Variants in TRIT1 observed in about 807,000 individuals in gnomAD.
TRIT1 encodes the protein tRNA dimethylallyltransferase.
In TRIT1, 43 loss-of-function variants were observed where a neutral mutation model predicts 51.2. The ratio of observed to expected loss-of-function variants is 0.84; its 90% CI spans 0.66 to 1.08. The LOEUF is 1.08. Ranked by LOEUF, TRIT1 falls within the 50% of genes least tolerant of loss-of-function variation. The pLI is 0.00. For missense variants in TRIT1, 528 were observed against 578.4 expected, an observed-to-expected ratio of 0.91 and a Z score of 0.89; for synonymous variants, 184 against 203.9, an observed-to-expected ratio of 0.90 and a Z score of 0.83.
At chr1:39,844,690 A>G (rs1473767615) in intron 8 of TRIT1, 50 bp from the exon 9 acceptor site, 1 of 1,333,460 alleles carries the variant, frequency 7.5e-7, no homozygotes, top group African/African-American at 1.4e-5. Flanking sequence ...AACCCAATCT[A>G]TTCTGCAGCC....
intron 1 of TRIT1, among the ~76,000 whole-genome samples, chr1:39,879,002 G>A (rs1644156675): frequency 6.6e-6 from 1 of 152,122 alleles, no homozygotes; most frequent in African/African-American, 2.4e-5. Flanking sequence ...TGGCGCAGTG[G>A]CTCATGCCTG....
chr1:39,845,369 T>C lies in TRIT1; in HGVS notation c.1007-729A>G, dbSNP rs546229941. On this transcript the variant is annotated intron_variant, in intron 8 of 10. Coordinates refer to ENST00000316891, the MANE Select transcript of TRIT1 (RefSeq NM_017646.6). ...AAGAGTTTAGTCTCTGTGGTTAGCT[T>C]CCCTGCCTATATACACACTAAACTG... is the stretch of plus-strand genomic sequence containing the variant. Among the ~76,000 whole-genome samples the C allele has an allele frequency of 5.4e-3, 830 of 152,320 alleles. 9 individuals carry two copies. The highest frequency in any genetic ancestry group is 0.02 in the African/African-American group (813 of 41,562).
chr1:39,868,234 T>C (rs1038321492), intron 1 of TRIT1, among the ~76,000 whole-genome samples: 3 of 152,272 alleles, frequency 2.0e-5, no homozygotes, highest in Non-Finnish European at 4.4e-5. Flanking sequence ...TATAAAAATG[T>C]AGAACTTTTG....
chr1:39,878,971 A>G (rs1644155588), intron 1 of TRIT1, among the ~76,000 whole-genome samples: 1 of 152,198 alleles, frequency 6.6e-6, no homozygotes, highest in Admixed American at 6.5e-5. Flanking sequence ...TAACTGGCAT[A>G]CAAGTTAAAA....
chr1:39,869,471 C>T (rs372206075), intron 1 of TRIT1, among the ~76,000 whole-genome samples: 1 of 152,302 alleles, frequency 6.6e-6, no homozygotes, highest in South Asian at 2.1e-4. Context: ...ACCTCCCAGC[C>T]GCCTGCCTTG....
chr1:39,838,345 T>C lies in TRIT1; in HGVS notation c.*3399A>G, dbSNP rs1440450663. ...ATCACTTATGTAGAGACCTACTTAG[T>C]TTTTATGCTTTCATGCAATTGATTC... On this transcript the variant is annotated 3_prime_UTR_variant, in exon 11 of 11. Transcript: ENST00000316891. Among the ~76,000 whole-genome samples the C allele has an allele frequency of 6.6e-6, 1 of 152,242 alleles. No individual in the cohort carries two copies. Among genetic ancestry groups the C allele is most frequent in the Admixed American group, 6.5e-5 (1 of 15,284 alleles).
Position 39,847,609 on chromosome 1 carries a change from G to A in TRIT1, c.867C>T (p.His289=), listed in dbSNP as rs139483552. Residue 289 remains histidine (H), a synonymous_variant, in exon 7 of 11, where the codon CAC becomes CAT. Transcript: ENST00000316891. ...ATTTTCCCTCAGTGATCAGGTACTC[G>A]TGAAATTCCTTGAAGCCAATTGATT... ...IFQSIGFKEF[H]EYLITEGKCT... 3.2e-5 allele frequency: 51 copies of A among 1,614,072 alleles called. No homozygotes were observed. Among genetic ancestry groups the A allele is most frequent in the Admixed American group, 6.7e-5 (4 of 60,004 alleles).
Position 39,841,627 on chromosome 1 carries a change from TTTCTGCTATGCAGAGAA to T in TRIT1, c.*100_*116del. On this transcript the variant is annotated 3_prime_UTR_variant, in exon 11 of 11. Transcript: ENST00000316891. ...ACATCAAAAGAAAATGGTGGGAGCTTTTCTGCTATGCAGAGAATTCCGCATAGCACTCCTTTGCCCAG... is the reference window on the plus strand; with the variant it reads ...ACATCAAAAGAAAATGGTGGGAGCTTTTCCGCATAGCACTCCTTTGCCCAG... The T allele has an allele frequency of 9.3e-7, 1 of 1,078,330 alleles. No homozygotes were observed. The highest frequency in any genetic ancestry group is 2.2e-5 in the South Asian group (1 of 45,498). 66.8% of individuals were successfully genotyped at this position (1,078,330 alleles called of 1,614,324 possible).
intron 1 of TRIT1, among the ~76,000 whole-genome samples, chr1:39,859,298 G>GAAAAAAAAAAA (rs1643099762): frequency 2.6e-5 from 2 of 76,158 alleles, no homozygotes; most frequent in Non-Finnish European, 5.8e-5. Flanking sequence ...AAAAAAAAAC[G>GAAAAAAAAAAA]AAAGAGGCCA....
At chr1:39,847,697 T>C (rs1414429192) in intron 6 of TRIT1, 37 bp from the exon 7 acceptor site, 5 of 1,613,632 alleles carry the variant, frequency 3.1e-6, no homozygotes, top group African/African-American at 1.3e-5. Flanking sequence ...AAGCCATTGC[T>C]CCTAAAAGCT....
rs745646821 is a variant in TRIT1, at chr1:39,841,814, T to C, written c.1334A>G (p.Asp445Gly). The change falls in exon 11 of 11, where the codon GAC becomes GGC. Residue 445 changes from aspartate (D) to glycine (G), a missense_variant. By Grantham distance (94) the Asp-to-Gly change is moderately conservative (BLOSUM62 -1). Coordinates refer to ENST00000316891, the MANE Select transcript of TRIT1 (RefSeq NM_017646.6). ...NTIESQSVSP[D>G]HNKEPKEKGS... is the part of the protein sequence containing the mutation. The stretch of plus-strand genomic sequence containing the variant: ...CTTCTCTTTAGGTTCTTTGTTATGG[T>C]CTGGGGAAACACTCTGACTTTCTAT... The C allele has an allele frequency of 1.4e-5, 23 of 1,613,996 alleles. No homozygotes were observed. Among genetic ancestry groups the C allele is most frequent in the Non-Finnish European group, 3.4e-6 (4 of 1,180,008 alleles).
At chr1:39,858,578 T>C (rs929108234) in intron 1 of TRIT1, among the ~76,000 whole-genome samples, 2 of 152,226 alleles carry the variant, frequency 1.3e-5, no homozygotes, top group Non-Finnish European at 2.9e-5. Flanking sequence ...TTATCACTAC[T>C]ACTATCACAA....
chr1:39,867,053 TTGGAA>T (rs1643596725), intron 1 of TRIT1, among the ~76,000 whole-genome samples: 1 of 152,174 alleles, frequency 6.6e-6, no homozygotes, highest in Non-Finnish European at 1.5e-5. Context: ...GACTCATGGT[TTGGAA>T]TTTATAGTGC....
chr1:39,876,929 AAAAAAAAAAAC>A (rs1445395213), intron 1 of TRIT1, among the ~76,000 whole-genome samples: 1 of 148,342 alleles, frequency 6.7e-6, no homozygotes, highest in Non-Finnish European at 1.5e-5. Flanking sequence ...CTCCATCTCA[AAAAAAAAAAAC>A]AAAAAAAAAA....
intron 1 of TRIT1, among the ~76,000 whole-genome samples, chr1:39,872,780 C>CACACAG (rs796230029): frequency 2.4e-3 from 256 of 106,154 alleles, no homozygotes; most frequent in African/African-American, 8.3e-3. Flanking sequence ...CACACACACA[C>CACACAG]AGAGAGAGAG....
At chr1:39,842,335 G>C (rs1181674687) in intron 10 of TRIT1, among the ~76,000 whole-genome samples, 1 of 152,168 alleles carries the variant, frequency 6.6e-6, no homozygotes, top group Non-Finnish European at 1.5e-5. Context: ...CTGTAGTATG[G>C]GGCTTCCTGT....
rs1284321209 is a variant in TRIT1 at position 39,840,894 on chromosome 1, A to G, written c.*850T>C. The G allele has an allele frequency of 1.3e-5, 2 of 152,214 alleles. No individual in the cohort carries two copies. The highest frequency in any genetic ancestry group is 2.9e-5 in the Non-Finnish European group (2 of 68,036). 9.4% of individuals were successfully genotyped at this position (152,214 alleles called of 1,614,324 possible). ...AGACCCTCTCTAGATGTCTTCAAGG[A>G]CTATAACGTGTTAAATAAACACCCG... On this transcript the variant is annotated 3_prime_UTR_variant, in exon 11 of 11. Coordinates refer to ENST00000316891, the MANE Select transcript of TRIT1 (RefSeq NM_017646.6).
chr1:39,871,124 C>T (rs898793877), intron 1 of TRIT1, among the ~76,000 whole-genome samples: 3 of 151,850 alleles, frequency 2.0e-5, no homozygotes, highest in African/African-American at 7.3e-5. Flanking sequence ...ACCCGGGAGG[C>T]GGAGGTTGCA....
intron 1 of TRIT1, 91 bp from the exon 2 acceptor site, chr1:39,857,508 C>T (rs1437430096): frequency 7.0e-7 from 1 of 1,434,976 alleles, no homozygotes; most frequent in African/African-American, 1.4e-5. Flanking sequence ...TTTCTCCCTC[C>T]TGCCAAACAC....
Sources: gnomAD v4.1 joint callset for allele counts (sites outside exome capture counted in the v4.1 genomes callset) on GRCh38, gnomAD v4.1.1 for gene constraint, MANE v1.5 for transcripts, NCBI Gene and HGNC (gene_info 2026-07-23, HGNC 2026-07-21) for gene names.